Variants in NIPSNAP2 observed in about 807,000 individuals in gnomAD.
NIPSNAP2 encodes the protein protein NipSnap homolog 2.
NIPSNAP2 carries 42 observed loss-of-function variants against 48.4 expected under a neutral mutation model. That is an observed-to-expected ratio of 0.87 (90% CI 0.68 to 1.12). The LOEUF (loss-of-function observed/expected upper bound fraction) is 1.12, where lower values mean the gene tolerates loss of function less well. Ranked by LOEUF, NIPSNAP2 falls within the 50% of genes most tolerant of loss-of-function variation. The probability of loss-of-function intolerance (pLI) is 0.00; values close to 1 mark genes in which losing one functional copy is unlikely to be tolerated. For synonymous variants in NIPSNAP2, 158 were observed against 126.6 expected (o/e 1.25, Z -1.67); for missense variants, 314 against 347.3 (o/e 0.90, Z 0.76).
chr7:55,970,021 C>T (rs1488960271), intron 1 of NIPSNAP2, among the ~76,000 whole-genome samples: 2 of 151,468 alleles, frequency 1.3e-5, no homozygotes, highest in African/African-American at 2.4e-5. Context: ...GAATGAAGCA[C>T]GGTGTGCTCC....
At chr7:55,984,755 TGTCAC>T in intron 6 of NIPSNAP2, 87 bp from the exon 7 acceptor site, 2 of 1,063,500 alleles carry the variant, frequency 1.9e-6, no homozygotes, top group Non-Finnish European at 1.4e-6. Flanking sequence ...AAGTTAGTTT[TGTCAC>T]TTAATGTTTT....
intron 5 of NIPSNAP2, among the ~76,000 whole-genome samples, chr7:55,982,878 T>G (rs1787246519): frequency 6.6e-6 from 1 of 152,124 alleles, no homozygotes; most frequent in African/African-American, 2.4e-5. Context: ...ATCCCAGCAC[T>G]TTGGGAGGCC....
At chr7:55,984,751 G>C in intron 6 of NIPSNAP2, 96 bp from the exon 7 acceptor site, 2 of 928,752 alleles carry the variant, frequency 2.2e-6, no homozygotes, top group South Asian at 2.9e-5. Flanking sequence ...TTTGAAGTTA[G>C]TTTTGTCACT....
intron 7 of NIPSNAP2, among the ~76,000 whole-genome samples, chr7:55,994,094 T>C (rs969227122): frequency 6.6e-6 from 1 of 152,206 alleles, no homozygotes; most frequent in East Asian, 1.9e-4. Context: ...TCAGCTGCTT[T>C]GAAGGTGTGC....
intron 3 of NIPSNAP2, 38 bp from the exon 4 acceptor site, chr7:55,981,435 T>G (rs367625857): frequency 1.1e-5 from 17 of 1,519,982 alleles, no homozygotes; most frequent in Non-Finnish European, 1.5e-5. Context: ...CAAATTTTGC[T>G]GGTTGTTTAA....
intron 1 of NIPSNAP2, among the ~76,000 whole-genome samples, chr7:55,970,621 A>AT (rs1050680281): frequency 2.6e-5 from 4 of 151,602 alleles, no homozygotes; most frequent in African/African-American, 4.8e-5. Context: ...CGACACTTAT[A>AT]TTTTTTTTGA....
chr7:55,973,499 T>G (rs544848213), intron 1 of NIPSNAP2, among the ~76,000 whole-genome samples: 1 of 152,052 alleles, frequency 6.6e-6, no homozygotes, highest in Admixed American at 6.6e-5. Context: ...TTTTTGAGAT[T>G]GAGTCTTGCT....
intron 7 of NIPSNAP2, among the ~76,000 whole-genome samples, chr7:55,989,680 G>C (rs966599475): frequency 6.6e-6 from 1 of 152,096 alleles, no homozygotes; most frequent in African/African-American, 2.4e-5. Flanking sequence ...CCATTGGTTA[G>C]CTGAAGTCAG....
At chr7:55,983,955 A>AAAGTTTTGGCTGGGTGTGGTGGCT in intron 6 of NIPSNAP2, 87 bp downstream of exon 6, 2 of 1,210,604 alleles carry the variant, frequency 1.7e-6, no homozygotes, top group African/African-American at 3.0e-5. Context: ...ACTTGTGTGT[A>AAAGTTTTGGCTGGGTGTGGTGGCT]CATTCTGTGA....
intron 7 of NIPSNAP2, among the ~76,000 whole-genome samples, chr7:55,994,148 T>G (rs1488876158): frequency 1.3e-5 from 2 of 152,200 alleles, no homozygotes; most frequent in Non-Finnish European, 2.9e-5. Flanking sequence ...GGGTGGTCCC[T>G]GTCTCCCTTG....
intron 1 of NIPSNAP2, among the ~76,000 whole-genome samples, chr7:55,967,923 T>C (rs1450628887): frequency 6.6e-6 from 1 of 152,008 alleles, no homozygotes; most frequent in Non-Finnish European, 1.5e-5. Context: ...GTGCTGGCAT[T>C]ACAGGGATGA....
At chr7:55,976,825 C>G (rs1362848590) in intron 1 of NIPSNAP2, among the ~76,000 whole-genome samples, 1 of 152,068 alleles carries the variant, frequency 6.6e-6, no homozygotes, top group Non-Finnish European at 1.5e-5. Flanking sequence ...GAATTTGAGG[C>G]TACAGTGAAC....
rs190769113 is a variant in NIPSNAP2, at chr7:55,987,320, A to G, written c.617+2442A>G. Among the ~76,000 whole-genome samples, 500 of 152,120 alleles carry G rather than the reference A, an allele frequency of 3.3e-3. 4 individuals are homozygous for G. Among genetic ancestry groups the G allele is most frequent in the African/African-American group, 0.011 (461 of 41,502 alleles). Reference sequence around the variant, plus strand: ...GTAGAAACAACCCACATATCCATCAATAGATAAATGGATAAAGAAATTGTG... The same window carrying G: ...GTAGAAACAACCCACATATCCATCAGTAGATAAATGGATAAAGAAATTGTG... On this transcript the variant is annotated intron_variant, in intron 7 of 9. Coordinates refer to ENST00000322090, the MANE Select transcript of NIPSNAP2 (RefSeq NM_001483.3).
chr7:55,983,198 C>G lies in NIPSNAP2; in HGVS notation c.445-530C>G, dbSNP rs1056242044. Among the ~76,000 whole-genome samples the G allele has an allele frequency of 3.3e-5, 5 of 152,134 alleles. No homozygotes were observed. The South Asian group carries it at 8.3e-4, about 25-fold the overall frequency. On this transcript the variant is annotated intron_variant, in intron 5 of 9. Coordinates refer to ENST00000322090, the MANE Select transcript of NIPSNAP2 (RefSeq NM_001483.3). ...ATCAGCATGGCAGGCACAATTAGCT[C>G]TGGATGACCTAAAACTGTCTAATTC...
chr7:55,984,046 CT>C lies in NIPSNAP2; in HGVS notation c.585+183del, dbSNP rs529926669. On this transcript the variant is annotated intron_variant, in intron 6 of 9. Transcript: ENST00000322090. ...CTGTCACCAAGGCTAAGCTCTTTTG[CT>C]TTTTATGGCCTTACACATAATGCTT... Among the ~76,000 whole-genome samples, 60 of 151,952 alleles carry C rather than the reference CT, an allele frequency of 3.9e-4. 1 individual carries two copies. Among genetic ancestry groups the C allele is most frequent in the Admixed American group, 1.4e-3 (21 of 15,248 alleles).
intron 1 of NIPSNAP2, among the ~76,000 whole-genome samples, chr7:55,970,910 C>G (rs1461625924): frequency 1.3e-5 from 2 of 152,150 alleles, no homozygotes; most frequent in Admixed American, 1.3e-4. Flanking sequence ...TTCACTTGAG[C>G]TCTTGCAGTG....
intron 7 of NIPSNAP2, among the ~76,000 whole-genome samples, chr7:55,986,194 C>A (rs1350771571): frequency 6.6e-6 from 1 of 151,896 alleles, no homozygotes; most frequent in South Asian, 2.1e-4. Context: ...TGACGAAACC[C>A]CAACTCTACA....
At chr7:55,996,952 G>A (rs1438753759) in intron 8 of NIPSNAP2, among the ~76,000 whole-genome samples, 1 of 152,076 alleles carries the variant, frequency 6.6e-6, no homozygotes, top group African/African-American at 2.4e-5. Context: ...AGACTGAGGC[G>A]TTTTGATGAT....
chr7:55,998,660 C>T (rs891592500), intron 9 of NIPSNAP2, among the ~76,000 whole-genome samples: 5 of 151,854 alleles, frequency 3.3e-5, no homozygotes, highest in African/African-American at 1.2e-4. Context: ...GCCACCACAC[C>T]CAGCTAAGTT....
Sources: allele counts gnomAD v4.1 joint callset (sites outside exome capture counted in the v4.1 genomes callset), GRCh38; gene constraint gnomAD v4.1.1; transcripts MANE v1.5; gene names NCBI Gene and HGNC (gene_info 2026-07-23, HGNC 2026-07-21).